AGBL1: variants seen among roughly 807,000 people sequenced by gnomAD.
AGBL1 encodes the protein AGBL carboxypeptidase 1.
A neutral mutation model predicts 118.9 loss-of-function variants in AGBL1; 130 were observed. The observed-to-expected ratio is 1.09, with a 90% CI of 0.95 to 1.26. The LOEUF (loss-of-function observed/expected upper bound fraction) is 1.26, where lower values mean the gene tolerates loss of function less well. Ranked by LOEUF, AGBL1 falls within the 50% of genes most tolerant of loss-of-function variation. The probability of loss-of-function intolerance (pLI) is 0.00; values close to 1 mark genes in which losing one functional copy is unlikely to be tolerated. For synonymous variants in AGBL1, 555 were observed against 478.9 expected (o/e 1.16, Z -2.08); for missense variants, 1,584 against 1,298.1 (o/e 1.22, Z -3.38).
At chr15:86,133,780 G>A (rs1404382601) in intron 1 of AGBL1, among the ~76,000 whole-genome samples, 1 of 152,112 alleles carries the variant, frequency 6.6e-6, no homozygotes. Flanking sequence ...ATCTTGTTGA[G>A]GTTGTTTTCA....
chr15:86,490,929 G>T (rs1487359979), intron 18 of AGBL1, among the ~76,000 whole-genome samples: 2 of 152,076 alleles, frequency 1.3e-5, no homozygotes, highest in African/African-American at 4.8e-5. Context: ...GATGATGATT[G>T]TATCACCAGC....
At chr15:86,979,532 A>T (rs1382964921) in intron 23 of AGBL1, among the ~76,000 whole-genome samples, 2 of 151,592 alleles carry the variant, frequency 1.3e-5, no homozygotes, top group Non-Finnish European at 2.9e-5. Context: ...TCTGTTGCCC[A>T]GGCTGGAGTG....
chr15:86,889,727 C>T (rs1375466720), intron 22 of AGBL1, among the ~76,000 whole-genome samples: 1 of 152,184 alleles, frequency 6.6e-6, no homozygotes, highest in East Asian at 1.9e-4. Flanking sequence ...GACATGATCT[C>T]ATTCCTTTTA....
chr15:86,244,077 A>AAATC (rs1276818874), intron 6 of AGBL1, among the ~76,000 whole-genome samples: 8 of 148,310 alleles, frequency 5.4e-5, no homozygotes, highest in Non-Finnish European at 1.0e-4. Context: ...ATAAATAAAT[A>AAATC]AATAAATAAA....
intron 1 of AGBL1, among the ~76,000 whole-genome samples, chr15:86,081,438 A>G (rs1895278898): frequency 6.6e-6 from 1 of 152,232 alleles, no homozygotes; most frequent in Non-Finnish European, 1.5e-5. Context: ...GAATCTCAGA[A>G]GTGAAATAGG....
At chr15:86,500,237 T>C (rs1767810436) in intron 18 of AGBL1, among the ~76,000 whole-genome samples, 1 of 151,830 alleles carries the variant, frequency 6.6e-6, no homozygotes, top group African/African-American at 2.4e-5. Context: ...CACAGGTTTG[T>C]GGAGGGAGTC....
chr15:86,696,213 A>G (rs1032906564), intron 22 of AGBL1, among the ~76,000 whole-genome samples: 3 of 150,382 alleles, frequency 2.0e-5, no homozygotes, highest in African/African-American at 4.9e-5. Flanking sequence ...GTTGCTGTCT[A>G]TCTCATTTCT....
At chr15:86,760,942 G>A (rs2078013890) in intron 22 of AGBL1, among the ~76,000 whole-genome samples, 1 of 152,030 alleles carries the variant, frequency 6.6e-6, no homozygotes, top group South Asian at 2.1e-4. Context: ...TAAATGCATT[G>A]GTAAGCACCC....
At chr15:86,463,179 C>G (rs1182056643) in intron 18 of AGBL1, among the ~76,000 whole-genome samples, 1 of 152,150 alleles carries the variant, frequency 6.6e-6, no homozygotes, top group Non-Finnish European at 1.5e-5. Flanking sequence ...TTGCATTTCT[C>G]TGATGGCCAG....
chr15:86,965,660 A>G (rs2081043691), intron 23 of AGBL1, among the ~76,000 whole-genome samples: 2 of 152,136 alleles, frequency 1.3e-5, no homozygotes, highest in Admixed American at 6.6e-5. Flanking sequence ...ACACCGTGGA[A>G]TACTATGCAG....
At chr15:87,017,614 A>G (rs1050712256) in intron 24 of AGBL1, among the ~76,000 whole-genome samples, 2 of 152,300 alleles carry the variant, frequency 1.3e-5, no homozygotes, top group South Asian at 2.1e-4. Flanking sequence ...AACATCAGCA[A>G]AAAGATCCCA....
intron 18 of AGBL1, among the ~76,000 whole-genome samples, chr15:86,436,015 T>C (rs2081996200): frequency 6.6e-6 from 1 of 152,134 alleles, no homozygotes; most frequent in African/African-American, 2.4e-5. Flanking sequence ...TAAATTCAGT[T>C]TTCTTTCCCT....
intron 22 of AGBL1, among the ~76,000 whole-genome samples, chr15:86,755,844 G>A (rs1236749653): frequency 1.3e-5 from 2 of 152,112 alleles, no homozygotes; most frequent in African/African-American, 4.8e-5. Flanking sequence ...CCCTTAAGAA[G>A]GAAGGATGAG....
chr15:86,462,279 A>G (rs1323876403), intron 18 of AGBL1, among the ~76,000 whole-genome samples: 1 of 152,164 alleles, frequency 6.6e-6, no homozygotes, highest in Non-Finnish European at 1.5e-5. Context: ...ATGATGATCA[A>G]TAAATGATGA....
At chr15:86,328,345 A>C (rs2080218012) in intron 17 of AGBL1, among the ~76,000 whole-genome samples, 6 of 152,262 alleles carry the variant, frequency 3.9e-5, no homozygotes, top group Admixed American at 3.9e-4. Flanking sequence ...TATGGTAAAA[A>C]GTATTTGAAA....
chr15:86,161,237 C>A (rs1172458323), intron 5 of AGBL1, among the ~76,000 whole-genome samples: 1 of 152,184 alleles, frequency 6.6e-6, no homozygotes, highest in Non-Finnish European at 1.5e-5. Context: ...CATATTAAAA[C>A]CAAACCTCTG....
intron 23 of AGBL1, among the ~76,000 whole-genome samples, chr15:86,950,878 C>G (rs1332759511): frequency 6.6e-6 from 1 of 152,020 alleles, no homozygotes; most frequent in Non-Finnish European, 1.5e-5. Flanking sequence ...TGCAAAAACA[C>G]TACAATCCCC....
chr15:86,768,462 A>G (rs979538998), intron 22 of AGBL1, among the ~76,000 whole-genome samples: 5 of 151,812 alleles, frequency 3.3e-5, no homozygotes, highest in African/African-American at 1.2e-4. Context: ...CTCCAGCTAC[A>G]CTGGTCTCTT....
chr15:86,758,759 C>A (rs1296526877), intron 22 of AGBL1, among the ~76,000 whole-genome samples: 3 of 151,716 alleles, frequency 2.0e-5, no homozygotes, highest in South Asian at 2.1e-4. Context: ...ATTGCCTGAG[C>A]ACAGGAGTTT....
Sources: allele counts gnomAD v4.1 joint callset (sites outside exome capture counted in the v4.1 genomes callset), GRCh38; gene constraint gnomAD v4.1.1; transcripts MANE v1.5; gene names NCBI Gene and HGNC (gene_info 2026-07-23, HGNC 2026-07-21).